MTUS2: variants seen among roughly 807,000 people sequenced by gnomAD.
MTUS2 encodes the protein microtubule associated scaffold protein 2, also known as microtubule-associated tumor suppressor candidate 2.
A neutral mutation model predicts 114.1 loss-of-function variants in MTUS2; 40 were observed. The ratio of observed to expected loss-of-function variants is 0.35; its 90% confidence interval spans 0.27 to 0.46. The LOEUF (loss-of-function observed/expected upper bound fraction) is 0.46, where lower values mean the gene tolerates loss of function less well. Ranked by LOEUF, MTUS2 falls within the 20% of genes least tolerant of loss-of-function variation. The pLI is 1.00. For missense variants in MTUS2, 1,679 were observed against 1,705.4 expected, an observed-to-expected ratio of 0.98 and a Z score of 0.27; for synonymous variants, 688 against 672.0, an observed-to-expected ratio of 1.02 and a Z score of -0.37.
chr13:29,358,328 T>C (rs987958265), intron 7 of MTUS2, among the ~76,000 whole-genome samples: 2 of 152,154 alleles, frequency 1.3e-5, no homozygotes, highest in African/African-American at 4.8e-5. Context: ...TGCCTTTTCT[T>C]TTTTGAGCTT....
At chr13:29,297,003 C>T (rs562289130) in intron 6 of MTUS2, among the ~76,000 whole-genome samples, 10 of 152,090 alleles carry the variant, frequency 6.6e-5, no homozygotes, top group South Asian at 6.2e-4. Flanking sequence ...TTGAGGTATT[C>T]GCCATAAAAT....
chr13:29,439,916 A>T, intron 8 of MTUS2, 67 bp from the exon 9 acceptor site: 1 of 1,169,148 alleles, frequency 8.6e-7, no homozygotes, highest in Non-Finnish European at 1.3e-6. Context: ...TTCATTAATT[A>T]ATCATGTGAA....
At chr13:29,070,888 A>G (rs1035144977) in intron 4 of MTUS2, among the ~76,000 whole-genome samples, 3 of 150,904 alleles carry the variant, frequency 2.0e-5, no homozygotes, top group Non-Finnish European at 2.9e-5. Context: ...ATTTTAGACA[A>G]TCTTACTTGA....
chr13:29,427,286 G>A (rs1055098980), intron 8 of MTUS2, among the ~76,000 whole-genome samples: 2 of 151,798 alleles, frequency 1.3e-5, no homozygotes, highest in Non-Finnish European at 2.9e-5. Flanking sequence ...ATGCAAATGT[G>A]TATGTTTGCT....
Position 29,148,472 on chromosome 13 carries a change from CTTTTTTTT to C in MTUS2, c.2644+47519_2644+47526del, listed in dbSNP as rs976334425. Among the ~76,000 whole-genome samples, 2 of 71,372 alleles carry C rather than the reference CTTTTTTTT, an allele frequency of 2.8e-5. 1 individual carries two copies. The highest frequency in any genetic ancestry group is 5.5e-5 in the Non-Finnish European group (2 of 36,628). 46.8% of individuals were successfully genotyped at this position (71,372 alleles called of 152,430 possible). A position where few individuals can be genotyped will look rare whatever the true frequency, so the allele number is the denominator to read the frequency against. ...GTGAGAACATGCTGTGTTTGGTTTT[CTTTTTTTT>C]TTTTTTTTTTTTTTTTGAGACGGAG... On this transcript the variant is annotated intron_variant, in intron 5 of 15. Transcript: ENST00000612955.
intron 9 of MTUS2, among the ~76,000 whole-genome samples, chr13:29,456,450 A>G (rs964516271): frequency 2.6e-5 from 4 of 152,224 alleles, no homozygotes; most frequent in Non-Finnish European, 5.9e-5. Flanking sequence ...TGAAGAAATA[A>G]TGGGCAGAAA....
intron 9 of MTUS2, among the ~76,000 whole-genome samples, chr13:29,442,576 G>T (rs958598464): frequency 6.6e-6 from 1 of 152,048 alleles, no homozygotes; most frequent in East Asian, 1.9e-4. Context: ...TCATGAAAGG[G>T]GATGAAGTGT....
intron 8 of MTUS2, among the ~76,000 whole-genome samples, chr13:29,370,895 C>T (rs868653210): frequency 3.3e-5 from 5 of 152,152 alleles, no homozygotes; most frequent in African/African-American, 1.2e-4. Flanking sequence ...TAATTTCAGA[C>T]AAGGCAGACT....
chr13:28,957,324 T>C (rs192097853), intron 2 of MTUS2, among the ~76,000 whole-genome samples: 29 of 152,366 alleles, frequency 1.9e-4, no homozygotes, highest in African/African-American at 6.7e-4. Flanking sequence ...CTTTGCACCA[T>C]GGTTCTTCTC....
At chr13:29,223,136 G>A (rs540470598) in intron 5 of MTUS2, among the ~76,000 whole-genome samples, 28 of 152,318 alleles carry the variant, frequency 1.8e-4, no homozygotes, top group African/African-American at 5.5e-4. Context: ...CCACCCTCAT[G>A]TCAGGGATAG....
chr13:29,071,022 T>G (rs1348720044), intron 4 of MTUS2, among the ~76,000 whole-genome samples: 1 of 152,074 alleles, frequency 6.6e-6, no homozygotes, highest in East Asian at 1.9e-4. Flanking sequence ...TTTATTTTTT[T>G]GAGACAGAGT....
At chr13:29,277,704 C>CCCAGCCTCCCT (rs1898117135) in intron 5 of MTUS2, among the ~76,000 whole-genome samples, 1 of 152,190 alleles carries the variant, frequency 6.6e-6, no homozygotes, top group African/African-American at 2.4e-5. Context: ...GCTTTTGTGA[C>CCCAGCCTCCCT]TGAGTTCCAG....
intron 9 of MTUS2, among the ~76,000 whole-genome samples, chr13:29,466,891 A>G (rs1879930407): frequency 6.6e-6 from 1 of 151,868 alleles, no homozygotes; most frequent in Admixed American, 6.6e-5. Context: ...AAAAAAAAAA[A>G]AAAAAGAAAA....
In MTUS2 at chr13:28,925,902, T is replaced by G. The variant is rs112770698; in HGVS notation, c.-243+86052T>G. Among the ~76,000 whole-genome samples, 1,096 of 152,334 alleles carry G rather than the reference T, an allele frequency of 7.2e-3. 7 individuals are homozygous for G. Among genetic ancestry groups the G allele is most frequent in the Non-Finnish European group, 0.011 (769 of 68,022 alleles). ...AAGAAAGTAGATATGACTATGGGAA[T>G]TAGAATACACACTTAAAAATAAAAC... On this transcript the variant is annotated intron_variant, in intron 2 of 15. Transcript: ENST00000612955.
At chr13:29,348,661 C>A (rs1868952859) in intron 7 of MTUS2, among the ~76,000 whole-genome samples, 1 of 152,240 alleles carries the variant, frequency 6.6e-6, no homozygotes, top group African/African-American at 2.4e-5. Flanking sequence ...GGCTTGAAAT[C>A]TCAGACTGTA....
In MTUS2 at chr13:28,851,645, G is replaced by A. The variant is rs1178457944; in HGVS notation, c.-243+11795G>A. On this transcript the variant is annotated intron_variant, in intron 2 of 15. Transcript: ENST00000612955. Reference sequence around the variant, plus strand: ...GACTCTGACCAGGGTCCTGAAGCACGCACAGTTCCAGAGGCCCTCCTTAAA... The same window carrying A: ...GACTCTGACCAGGGTCCTGAAGCACACACAGTTCCAGAGGCCCTCCTTAAA... Among the ~76,000 whole-genome samples the A allele has an allele frequency of 1.2e-4, 18 of 152,310 alleles. No homozygotes were observed. In the South Asian group the frequency reaches 1.9e-3, roughly 16 times the overall value.
At chr13:28,972,632 C>T (rs1056953456) in intron 2 of MTUS2, among the ~76,000 whole-genome samples, 4 of 152,136 alleles carry the variant, frequency 2.6e-5, no homozygotes, top group Non-Finnish European at 5.9e-5. Flanking sequence ...ATACTAATGT[C>T]GCAGCCCCGA....
chr13:28,863,173 A>G (rs1381140941), intron 2 of MTUS2, among the ~76,000 whole-genome samples: 1 of 152,220 alleles, frequency 6.6e-6, no homozygotes, highest in Non-Finnish European at 1.5e-5. Context: ...CAAGCTCATC[A>G]AATTCAGGAA....
chr13:28,907,653 A>G (rs1244806288), intron 2 of MTUS2, among the ~76,000 whole-genome samples: 2 of 151,574 alleles, frequency 1.3e-5, no homozygotes, highest in South Asian at 2.1e-4. Flanking sequence ...AAAGAGACAA[A>G]GAAGGCCATT....
Sources: allele counts gnomAD v4.1 joint callset (sites outside exome capture counted in the v4.1 genomes callset), GRCh38; gene constraint gnomAD v4.1.1; transcripts MANE v1.5; gene names NCBI Gene and HGNC (gene_info 2026-07-23, HGNC 2026-07-21).